HDAC4: variants seen among roughly 807,000 people sequenced by gnomAD.
HDAC4 encodes histone deacetylase A.
HDAC4 carries 16 observed loss-of-function variants against 135.1 expected under a neutral mutation model. The observed-to-expected ratio is 0.12, with a 90% confidence interval of 0.08 to 0.18. The LOEUF (loss-of-function observed/expected upper bound fraction) is 0.18. HDAC4 is among the 10% of genes least tolerant of loss of function. The probability of loss-of-function intolerance (pLI) is 1.00; values close to 1 mark genes in which losing one functional copy is unlikely to be tolerated. For missense variants in HDAC4, 1,143 were observed against 1,511.8 expected (o/e 0.76, Z 4.05); for synonymous variants, 685 against 653.4 (o/e 1.05, Z -0.74).
At chr2:239,089,517 G>C (rs1339267609) in intron 18 of HDAC4, among the ~76,000 whole-genome samples, 1 of 152,124 alleles carries the variant, frequency 6.6e-6, no homozygotes, top group African/African-American at 2.4e-5. Context: ...AGTAGAGAAG[G>C]AGTTTCGCCA....
intron 2 of HDAC4, among the ~76,000 whole-genome samples, chr2:239,323,623 G>A (rs889449636): frequency 1.3e-5 from 2 of 152,146 alleles, no homozygotes; most frequent in East Asian, 1.9e-4. Context: ...AAGAACCCGC[G>A]GCCAACGACT....
chr2:239,351,022 C>T (rs1405623258), intron 2 of HDAC4, among the ~76,000 whole-genome samples: 1 of 152,150 alleles, frequency 6.6e-6, no homozygotes, highest in African/African-American at 2.4e-5. Flanking sequence ...GAGACTGAAC[C>T]TACCCAGTGC....
chr2:239,111,187 G>A (rs2038637346), intron 14 of HDAC4, among the ~76,000 whole-genome samples: 1 of 152,262 alleles, frequency 6.6e-6, no homozygotes, highest in Non-Finnish European at 1.5e-5. Context: ...GAGAAGCGTG[G>A]GCTCATGATT....
intron 16 of HDAC4, among the ~76,000 whole-genome samples, chr2:239,101,867 G>A (rs1203863174): frequency 6.6e-6 from 1 of 151,296 alleles, no homozygotes; most frequent in Non-Finnish European, 1.5e-5. Flanking sequence ...CTGTGCCCTG[G>A]ACACCCCCGG....
chr2:239,111,460 G>T, intron 14 of HDAC4, 66 bp downstream of exon 14: 1 of 1,473,146 alleles, frequency 6.8e-7, no homozygotes, highest in Non-Finnish European at 9.3e-7. Flanking sequence ...GCCGGGAAGA[G>T]CCCCCCGCGC....
chr2:239,143,257 C>T (rs1450037934), intron 8 of HDAC4, among the ~76,000 whole-genome samples: 1 of 76,058 alleles, frequency 1.3e-5, no homozygotes, highest in African/African-American at 3.6e-5. Flanking sequence ...CCACTGCACA[C>T]TTTAAAAAAA....
intron 3 of HDAC4, among the ~76,000 whole-genome samples, chr2:239,231,604 C>A (rs114280164): frequency 1.3e-4 from 19 of 151,578 alleles, no homozygotes; most frequent in Non-Finnish European, 2.5e-4. Flanking sequence ...TGTTTGCCTC[C>A]GGTTTGCTCC....
chr2:239,053,124 C>T lies in HDAC4; in HGVS notation c.3243G>A (p.Glu1081=). 6.2e-7 allele frequency: 1 copy of T among 1,614,188 alleles called. No individual in the cohort carries two copies. The highest frequency in any genetic ancestry group is 1.1e-5 in the South Asian group (1 of 91,084). The change falls in exon 27 of 27, where the codon GAG becomes GAA. Residue 1081 remains glutamate, a synonymous_variant. Coordinates refer to ENST00000543185, the MANE Select transcript of HDAC4 (RefSeq NM_001378414.1). ...ACAGGGGCGGCTCCTCTTCCATGGG[C>T]TCCTCATCTGGTCTGTGGATCCCGC... ...VKPAEKRPDE[E]PMEEEPPL
At chr2:239,244,297 G>A (rs761025762) in intron 2 of HDAC4, among the ~76,000 whole-genome samples, 2 of 152,192 alleles carry the variant, frequency 1.3e-5, no homozygotes, top group Admixed American at 1.3e-4. Flanking sequence ...TCTGCTGGGA[G>A]GATTGGCCAT....
At chr2:239,312,934 G>A (rs988468807) in intron 2 of HDAC4, among the ~76,000 whole-genome samples, 3 of 152,222 alleles carry the variant, frequency 2.0e-5, no homozygotes, top group African/African-American at 4.8e-5. Flanking sequence ...CTGTGGGGGC[G>A]GCCGGCCAGC....
intron 3 of HDAC4, among the ~76,000 whole-genome samples, chr2:239,212,068 C>A (rs1043350207): frequency 1.3e-5 from 2 of 152,096 alleles, no homozygotes; most frequent in African/African-American, 4.8e-5. Flanking sequence ...CTAATGTGAC[C>A]GATGGGAAGG....
intron 2 of HDAC4, among the ~76,000 whole-genome samples, chr2:239,320,918 T>C (rs1006389072): frequency 8.5e-5 from 13 of 152,230 alleles, no homozygotes; most frequent in Admixed American, 2.0e-4. Flanking sequence ...ACTGAAATAA[T>C]TATTTTATCT....
At chr2:239,224,376 C>T (rs886671720) in intron 3 of HDAC4, among the ~76,000 whole-genome samples, 6 of 152,224 alleles carry the variant, frequency 3.9e-5, no homozygotes, top group African/African-American at 7.2e-5. Flanking sequence ...GCATACGTCA[C>T]GTGGTGTCGC....
chr2:239,087,047 G>A (rs946630674), intron 19 of HDAC4, among the ~76,000 whole-genome samples: 3 of 152,122 alleles, frequency 2.0e-5, no homozygotes, highest in Admixed American at 2.0e-4. Flanking sequence ...CCCCACACTC[G>A]CCACCCTGCC....
chr2:239,272,859 C>A (rs2050131223), intron 2 of HDAC4, among the ~76,000 whole-genome samples: 1 of 152,214 alleles, frequency 6.6e-6, no homozygotes. Flanking sequence ...AGACAGGCAT[C>A]TACCCTGGCC....
chr2:239,358,009 G>C (rs1328494072), intron 1 of HDAC4, among the ~76,000 whole-genome samples: 2 of 150,974 alleles, frequency 1.3e-5, no homozygotes, highest in Non-Finnish European at 2.9e-5. Context: ...TGACAACTTA[G>C]ATGAAATAAA....
intron 9 of HDAC4, among the ~76,000 whole-genome samples, chr2:239,135,003 A>G (rs2040850328): frequency 6.6e-6 from 1 of 152,232 alleles, no homozygotes; most frequent in Non-Finnish European, 1.5e-5. Flanking sequence ...TATAGTTTAC[A>G]ATGCTTTTTT....
chr2:239,357,888 CAAAAAAAAAAAAAAAAAA>C (rs71043188), intron 1 of HDAC4, among the ~76,000 whole-genome samples: 13 of 55,624 alleles, frequency 2.3e-4, no homozygotes, highest in African/African-American at 8.7e-5. Context: ...GCCTCTGTTC[CAAAAAAAAAAAAAAAAAA>C]AAAAAAAAAA....
intron 2 of HDAC4, among the ~76,000 whole-genome samples, chr2:239,243,277 C>T (rs572093128): frequency 1.8e-4 from 28 of 152,068 alleles, no homozygotes; most frequent in Admixed American, 5.9e-4. Context: ...CTCAGCCTCC[C>T]GAATAGGTGA....
Sources: gnomAD v4.1 joint callset for allele counts (sites outside exome capture counted in the v4.1 genomes callset) on GRCh38, gnomAD v4.1.1 for gene constraint, MANE v1.5 for transcripts, NCBI Gene and HGNC (gene_info 2026-07-23, HGNC 2026-07-21) for gene names.